CD109: variants seen among roughly 807,000 people sequenced by gnomAD.
CD109 encodes the protein CD109 molecule, also known as CD109 antigen.
Under a neutral mutation model 165.8 loss-of-function variants are expected in CD109, and 149 were observed. The ratio of observed to expected loss-of-function variants is 0.90; its 90% CI spans 0.79 to 1.03. The LOEUF (loss-of-function observed/expected upper bound fraction) is 1.03, where lower values mean the gene tolerates loss of function less well. Among genes scored for constraint, CD109 ranks in the 50% least tolerant of loss-of-function variants. The pLI is 0.00. For synonymous variants in CD109, 585 were observed against 592.1 expected (o/e 0.99, Z 0.18); for missense variants, 1,712 against 1,677.8 (o/e 1.02, Z -0.36).
rs1562086708 is a variant in CD109, at chr6:73,814,990, G to A, written c.3778G>A (p.Val1260Ile). ...FGFAICQLNV[V>I]YNVKASGSSR... ...AGTTTATTTTTTACAGCTCAATGTTGTATATAATGTGAAGGCTTCTGGGTC... is the reference window on the plus strand; with the variant it reads ...AGTTTATTTTTTACAGCTCAATGTTATATATAATGTGAAGGCTTCTGGGTC... The change falls in exon 30 of 33, where the codon GTA (valine) becomes ATA (isoleucine). Residue 1260 changes from valine (V) to isoleucine (I), a missense_variant. By Grantham distance (29) the Val-to-Ile change is conservative (BLOSUM62 3). Transcript: ENST00000287097. 1.3e-6 allele frequency: 2 copies of A among 1,548,200 alleles called. No homozygotes were observed. Among genetic ancestry groups the A allele is most frequent in the Non-Finnish European group, 8.6e-7 (1 of 1,159,078 alleles).
At chr6:73,744,217 G>T (rs1333333967) in intron 5 of CD109, among the ~76,000 whole-genome samples, 2 of 152,110 alleles carry the variant, frequency 1.3e-5, no homozygotes, top group African/African-American at 4.8e-5. Flanking sequence ...ACTCCTTGAA[G>T]ACAGGAATTC....
chr6:73,763,622 T>C lies in CD109; in HGVS notation c.1044T>C (p.Asp348=), dbSNP rs750275755. 6.3e-7 allele frequency: 1 copy of C among 1,597,128 alleles called. No homozygotes were observed. Among genetic ancestry groups the C allele is most frequent in the East Asian group, 2.2e-5 (1 of 44,466 alleles). ...VSTNVFFKQH[D]YIIEFFDYTT... Reference sequence around the variant, plus strand: ...CTAATGTGTTCTTCAAGCAACATGATTACATCATTGAGTTTTTTGATTATA... The same window carrying C: ...CTAATGTGTTCTTCAAGCAACATGACTACATCATTGAGTTTTTTGATTATA... The change falls in exon 10 of 33, where the codon GAT becomes GAC. Residue 348 remains aspartate (D), a synonymous_variant. Coordinates refer to ENST00000287097, the MANE Select transcript of CD109 (RefSeq NM_133493.5).
At chr6:73,770,499 C>T (rs1773996073) in intron 14 of CD109, among the ~76,000 whole-genome samples, 1 of 152,122 alleles carries the variant, frequency 6.6e-6, no homozygotes, top group Admixed American at 6.5e-5. Flanking sequence ...AATCCCAGCA[C>T]TTTGGGAGGC....
chr6:73,770,248 C>G (rs904431556), intron 14 of CD109, among the ~76,000 whole-genome samples: 2 of 152,144 alleles, frequency 1.3e-5, no homozygotes, highest in Non-Finnish European at 2.9e-5. Flanking sequence ...AGATTTACAT[C>G]TCAGAGAGTT....
chr6:73,732,662 A>G (rs1772407146), intron 4 of CD109, among the ~76,000 whole-genome samples: 1 of 152,238 alleles, frequency 6.6e-6, no homozygotes, highest in Non-Finnish European at 1.5e-5. Context: ...CAGGCAAATA[A>G]AAGTTAGCAC....
At chr6:73,772,940 TTC>T (rs1774097932) in intron 15 of CD109, among the ~76,000 whole-genome samples, 1 of 151,832 alleles carries the variant, frequency 6.6e-6, no homozygotes, top group South Asian at 2.1e-4. Flanking sequence ...TTGGTCATTT[TTC>T]TCTCTTTGAC....
chr6:73,806,277 C>A (rs956222503), intron 24 of CD109, among the ~76,000 whole-genome samples: 1 of 151,910 alleles, frequency 6.6e-6, no homozygotes, highest in Admixed American at 6.6e-5. Flanking sequence ...AAACCAAACA[C>A]CACATGTTCT....
At chr6:73,762,951 C>G in intron 9 of CD109, 69 bp downstream of exon 9, 1 of 1,344,722 alleles carries the variant, frequency 7.4e-7, no homozygotes, top group Non-Finnish European at 1.0e-6. Context: ...CTTATTATAA[C>G]TGGCACTTTC....
At chr6:73,701,109 CTTTT>C (rs138353822) in intron 2 of CD109, among the ~76,000 whole-genome samples, 2 of 129,246 alleles carry the variant, frequency 1.5e-5, no homozygotes, top group Admixed American at 7.7e-5. Context: ...CGATTATGGG[CTTTT>C]TTTTTTTTTT....
At position 73,825,906 on chromosome 6, in the gene CD109, A is replaced by C. The variant is rs566562954; in HGVS notation, c.*2273A>C. The C allele has an allele frequency of 3.7e-4, 56 of 152,386 alleles. No homozygotes were observed. The highest frequency in any genetic ancestry group is 1.3e-3 in the African/African-American group (56 of 41,548). The allele number at this position is 152,386 out of a possible 1,614,324, so 9.4% of individuals were successfully genotyped here. A position where few individuals can be genotyped will look rare whatever the true frequency, so the allele number is the denominator to read the frequency against. The stretch of plus-strand genomic sequence containing the variant: ...GGCAGGAGAATCACTTGAACCTGAG[A>C]GACAGAGGTTGCAGTGAGCCGAGAT... On this transcript the variant is annotated 3_prime_UTR_variant, in exon 33 of 33. Transcript: ENST00000287097.
chr6:73,822,708 T>C (rs573453989), intron 32 of CD109, among the ~76,000 whole-genome samples: 2 of 152,246 alleles, frequency 1.3e-5, no homozygotes, highest in African/African-American at 4.8e-5. Flanking sequence ...GGAAAACAAC[T>C]TACTTATGAG....
upstream of CD109, among the ~76,000 whole-genome samples, chr6:73,693,145 T>C (rs1353011613): frequency 1.2e-5 from 1 of 83,294 alleles, no homozygotes; most frequent in East Asian, 3.2e-4. Flanking sequence ...CAAGGCTGGG[T>C]AATTTATTAA....
At chr6:73,761,050 C>A (rs1773607850) in intron 7 of CD109, among the ~76,000 whole-genome samples, 1 of 151,438 alleles carries the variant, frequency 6.6e-6, no homozygotes, top group African/African-American at 2.4e-5. Context: ...CACACACACA[C>A]ACACACACAC....
chr6:73,772,684 T>A (rs1169054049), intron 15 of CD109, among the ~76,000 whole-genome samples: 1 of 152,082 alleles, frequency 6.6e-6, no homozygotes, highest in East Asian at 1.9e-4. Context: ...TATTTATATG[T>A]CCTTGATATA....
chr6:73,736,389 A>C lies in CD109; in HGVS notation c.514A>C (p.Lys172Gln). The part of the protein sequence containing the change: ...TSLNILIKDP[K>Q]SNLIQQWLSQ... ...TGTCTGGTTTTCATTTTAGGACCCC[A>C]AATCAAATTTGATCCAACAGTGGTT... Residue 172 changes from lysine to glutamine, a missense_variant, in exon 5 of 33, where the codon AAA becomes CAA. Coordinates refer to ENST00000287097, the MANE Select transcript of CD109 (RefSeq NM_133493.5). The C allele has an allele frequency of 1.2e-6, 2 of 1,613,334 alleles. No individual in the cohort carries two copies. Among genetic ancestry groups the C allele is most frequent in the Non-Finnish European group, 1.7e-6 (2 of 1,179,682 alleles).
chr6:73,813,254 A>G (rs531682756), intron 29 of CD109, among the ~76,000 whole-genome samples: 34 of 152,284 alleles, frequency 2.2e-4, no homozygotes, highest in African/African-American at 5.5e-4. Flanking sequence ...ACCATGGGAA[A>G]ATTCTCATTC....
intron 24 of CD109, among the ~76,000 whole-genome samples, chr6:73,805,579 G>A (rs530445644): frequency 1.3e-5 from 2 of 152,338 alleles, no homozygotes; most frequent in East Asian, 3.9e-4. Context: ...CTTTACGGGT[G>A]TTGGGCTGGG....
At chr6:73,717,611 CTTTTTTTTTTTTTTT>C (rs779915655) in intron 2 of CD109, among the ~76,000 whole-genome samples, 2 of 74,812 alleles carry the variant, frequency 2.7e-5, no homozygotes, top group African/African-American at 5.2e-5. Flanking sequence ...TCTACTGATT[CTTTTTTTTTTTTTTT>C]TTTTTTTTTT....
Position 73,762,523 on chromosome 6 carries a change from T to C in CD109, c.855+43T>C, listed in dbSNP as rs1449653478. 1.2e-5 allele frequency: 15 copies of C among 1,263,620 alleles called. No homozygotes were observed. In the African/African-American group the frequency reaches 1.7e-4, roughly 14 times the overall value. 78.3% of individuals were successfully genotyped at this position (1,263,620 alleles called of 1,614,324 possible). A position where few individuals can be genotyped will look rare whatever the true frequency, so the allele number is the denominator to read the frequency against. ...TTTATAACTTGTGATGGGTAAAATA[T>C]GTGTATTTTTCTAGAAATAAGATTT... On this transcript the variant is annotated intron_variant, in intron 8 of 32. Transcript: ENST00000287097.
Sources: gnomAD v4.1 joint callset for allele counts (sites outside exome capture counted in the v4.1 genomes callset) on GRCh38, gnomAD v4.1.1 for gene constraint, MANE v1.5 for transcripts, NCBI Gene and HGNC (gene_info 2026-07-23, HGNC 2026-07-21) for gene names.